WDPCP: variants seen among roughly 807,000 people sequenced by gnomAD.
WDPCP encodes WD repeat-containing and planar cell polarity effector protein fritz homolog.
Under a neutral mutation model 93.1 loss-of-function variants are expected in WDPCP, and 71 were observed. The observed-to-expected ratio is 0.76, with a 90% confidence interval of 0.63 to 0.93. The LOEUF is 0.93. Among genes scored for constraint, WDPCP ranks in the 40% least tolerant of loss-of-function variants. The pLI, the probability that WDPCP is intolerant of heterozygous loss-of-function variation, is 0.00. For missense variants in WDPCP, 844 were observed against 887.4 expected, an observed-to-expected ratio of 0.95 and a Z score of 0.62; for synonymous variants, 315 against 315.0, an observed-to-expected ratio of 1.00 and a Z score of 0.00.
At chr2:63,590,629 T>A (rs1035868007), upstream of WDPCP, 2 of 152,208 alleles carry the variant, frequency 1.3e-5, no homozygotes, top group Admixed American at 6.5e-5. Context: ...TATCTACTCT[T>A]ATAATGTAGT....
chr2:63,725,300 G>A (rs1669481578), intron 2 of WDPCP, among the ~76,000 whole-genome samples: 1 of 152,056 alleles, frequency 6.6e-6, no homozygotes, highest in Non-Finnish European at 1.5e-5. Context: ...TGTGGTATTT[G>A]GTTTTCTGTT....
intron 1 of WDPCP, among the ~76,000 whole-genome samples, chr2:63,532,159 A>C (rs991755861): frequency 6.6e-6 from 1 of 152,210 alleles, no homozygotes; most frequent in African/African-American, 2.4e-5. Flanking sequence ...AGAAGTTGAG[A>C]GAAAAAAGAG....
At chr2:63,232,735 C>T (rs1679031282) in intron 14 of WDPCP, 1 of 153,000 alleles carries the variant, frequency 6.5e-6, no homozygotes. Context: ...TAACCTTTTT[C>T]ATATCCTTTA....
At chr2:63,576,759 A>G (rs776735538) in intron 1 of WDPCP, among the ~76,000 whole-genome samples, 7 of 152,202 alleles carry the variant, frequency 4.6e-5, no homozygotes, top group Non-Finnish European at 1.0e-4. Context: ...GCTACCAGTC[A>G]TCTCACTAGC....
At chr2:63,767,561 T>C (rs1390630159) in intron 2 of WDPCP, among the ~76,000 whole-genome samples, 1 of 152,156 alleles carries the variant, frequency 6.6e-6, no homozygotes, top group Non-Finnish European at 1.5e-5. Context: ...TATATCATTG[T>C]GGTTTTAATT....
intron 2 of WDPCP, among the ~76,000 whole-genome samples, chr2:63,679,938 G>C (rs998347005): frequency 6.6e-5 from 10 of 152,176 alleles, no homozygotes; most frequent in African/African-American, 2.4e-4. Context: ...CCCACTACAA[G>C]GTTCTAAACT....
Position 63,382,051 on chromosome 2 carries a change from G to C in WDPCP, c.1479C>G (p.Phe493Leu), listed in dbSNP as rs368313345. The C allele has an allele frequency of 6.2e-7, 1 of 1,613,326 alleles. No homozygotes were observed. The highest frequency in any genetic ancestry group is 8.5e-7 in the Non-Finnish European group (1 of 1,179,656). ...AGATCTCATCACAGTGAATGTACTG[G>C]AAGATGATGTCTATCAGGCCCAGCT... The part of the protein sequence containing the change: ...RGQLGLIDII[F>L]QYIHCDEIYE... Residue 493 changes from phenylalanine to leucine, a missense_variant, in exon 11 of 18, where the codon TTC (phenylalanine) becomes TTG (leucine). By Grantham distance (22) the Phe-to-Leu change is conservative. Transcript: ENST00000272321.
chr2:63,453,741 A>G (rs1698427217), intron 6 of WDPCP, among the ~76,000 whole-genome samples: 1 of 152,168 alleles, frequency 6.6e-6, no homozygotes, highest in Admixed American at 6.5e-5. Flanking sequence ...TGGCACATAC[A>G]CACCAAGGAA....
chr2:63,642,627 T>C (rs1239827337), intron 3 of WDPCP: 2 of 152,176 alleles, frequency 1.3e-5, no homozygotes, highest in African/African-American at 4.8e-5. Flanking sequence ...ACAGTAATGC[T>C]ACTGATTTTT....
At chr2:63,327,238 G>A (rs1238170554) in intron 12 of WDPCP, among the ~76,000 whole-genome samples, 3 of 152,134 alleles carry the variant, frequency 2.0e-5, no homozygotes, top group African/African-American at 4.8e-5. Flanking sequence ...TCAAACCTGC[G>A]AGTTGTTTGC....
At chr2:63,230,936 A>ATAAATT (rs1427108423) in intron 14 of WDPCP, among the ~76,000 whole-genome samples, 1 of 152,090 alleles carries the variant, frequency 6.6e-6, no homozygotes, top group Non-Finnish European at 1.5e-5. Context: ...TCCTTAATTT[A>ATAAATT]ATCAGATCCC....
At chr2:63,268,723 C>T (rs2104840242) in intron 13 of WDPCP, among the ~76,000 whole-genome samples, 2 of 62,246 alleles carry the variant, frequency 3.2e-5, no homozygotes, top group Non-Finnish European at 2.6e-5. Flanking sequence ...TCAAGTGATC[C>T]TCTCACTGTA....
At chr2:63,574,298 T>C (rs1220802336) in intron 1 of WDPCP, among the ~76,000 whole-genome samples, 1 of 152,182 alleles carries the variant, frequency 6.6e-6, no homozygotes, top group Non-Finnish European at 1.5e-5. Context: ...TTTCTCTCTT[T>C]TGTACTCTGT....
chr2:63,302,149 G>A (rs1390523965), intron 13 of WDPCP, among the ~76,000 whole-genome samples: 1 of 152,148 alleles, frequency 6.6e-6, no homozygotes, highest in African/African-American at 2.4e-5. Flanking sequence ...ATTTTCTAAC[G>A]ACTCTGATAG....
intron 2 of WDPCP, among the ~76,000 whole-genome samples, chr2:63,745,398 C>T (rs974204246): frequency 1.3e-5 from 2 of 152,188 alleles, no homozygotes; most frequent in African/African-American, 4.8e-5. Flanking sequence ...ATGCTGCCAA[C>T]AACTATGAGT....
chr2:63,170,709 A>G (rs913181458), intron 15 of WDPCP, among the ~76,000 whole-genome samples: 1 of 152,050 alleles, frequency 6.6e-6, no homozygotes, highest in African/African-American at 2.4e-5. Context: ...TCCTTAACTG[A>G]TGTGTGTAGT....
intron 6 of WDPCP, among the ~76,000 whole-genome samples, chr2:63,446,028 TG>T (rs1697838315): frequency 6.6e-6 from 1 of 152,216 alleles, no homozygotes; most frequent in African/African-American, 2.4e-5. Context: ...GGTCTATTAA[TG>T]ACAAATCCTA....
At chr2:63,314,737 G>T (rs1382244402) in intron 12 of WDPCP, among the ~76,000 whole-genome samples, 2 of 151,958 alleles carry the variant, frequency 1.3e-5, no homozygotes, top group Non-Finnish European at 2.9e-5. Flanking sequence ...CACACCCAGG[G>T]CATTGCTTAT....
At chr2:63,651,075 C>T (rs1415197880) in intron 2 of WDPCP, among the ~76,000 whole-genome samples, 2 of 152,110 alleles carry the variant, frequency 1.3e-5, no homozygotes, top group African/African-American at 4.8e-5. Flanking sequence ...ATAAAGACAA[C>T]ACCCTTGGAG....
Sources: gnomAD v4.1 joint callset for allele counts (sites outside exome capture counted in the v4.1 genomes callset) on GRCh38, gnomAD v4.1.1 for gene constraint, MANE v1.5 for transcripts, NCBI Gene and HGNC (gene_info 2026-07-23, HGNC 2026-07-21) for gene names.